NXN: variants seen among roughly 807,000 people sequenced by gnomAD.
The protein encoded by NXN is nucleoredoxin.
Under a neutral mutation model 48.6 loss-of-function variants are expected in NXN, and 16 were observed. The observed-to-expected ratio is 0.33, with a 90% CI of 0.22 to 0.50. The LOEUF (loss-of-function observed/expected upper bound fraction) is 0.50. NXN is among the 20% of genes least tolerant of loss of function. NXN has a pLI of 0.98. For missense variants in NXN, 492 were observed against 605.5 expected, an observed-to-expected ratio of 0.81 and a Z score of 1.97; for synonymous variants, 281 against 269.6, an observed-to-expected ratio of 1.04 and a Z score of -0.41.
intron 1 of NXN, among the ~76,000 whole-genome samples, chr17:927,780 G>A (rs956855092): frequency 2.6e-5 from 4 of 151,970 alleles, no homozygotes; most frequent in Admixed American, 6.6e-5. Context: ...CAAAAGGGAC[G>A]GGCTTAGAGG....
intron 1 of NXN, among the ~76,000 whole-genome samples, chr17:848,628 C>T (rs1338793773): frequency 6.6e-6 from 1 of 152,216 alleles, no homozygotes; most frequent in South Asian, 2.1e-4. Flanking sequence ...AGTCAGTATT[C>T]GTGCATGTCA....
At chr17:946,262 G>A (rs532298841) in intron 1 of NXN, among the ~76,000 whole-genome samples, 46 of 136,214 alleles carry the variant, frequency 3.4e-4, no homozygotes, top group African/African-American at 4.5e-4. Flanking sequence ...TCCGCCTCCC[G>A]GGTTCAAGCG....
intron 1 of NXN, among the ~76,000 whole-genome samples, chr17:975,119 C>T (rs879450965): frequency 2.0e-5 from 3 of 152,146 alleles, no homozygotes; most frequent in African/African-American, 4.8e-5. Context: ...CCATCACACC[C>T]GGCCTGCTCC....
In NXN at chr17:866,201, A is replaced by T. The variant is rs369995745; in HGVS notation, c.361-40123T>A. On this transcript the variant is annotated intron_variant, in intron 1 of 7. Transcript: ENST00000336868. ...GGCAAGATATTAGATTTTTTTTTTT[A>T]AATCAGACGTTTCTTTTGTAAATAG... is the stretch of plus-strand genomic sequence containing the variant. Among the ~76,000 whole-genome samples the T allele has an allele frequency of 5.0e-3, 762 of 151,834 alleles. 7 individuals carry two copies. The highest frequency in any genetic ancestry group is 0.018 in the African/African-American group (733 of 41,466).
rs34186616 is a variant in NXN, at chr17:919,215, C to T, written c.360+60104G>A. 0.21 allele frequency among the ~76,000 whole-genome samples: 31,238 copies of T among 150,036 alleles called. 3,976 individuals are homozygous for T. The highest frequency in any genetic ancestry group is 0.47 in the East Asian group (2,392 of 5,122). ...CCGTCTCTACTACAAATACAAAAAT[C>T]AGCCGGGCGTCATGGCGGGCACCTG... On this transcript the variant is annotated intron_variant, in intron 1 of 7. Transcript: ENST00000336868. The surrounding 1 kb of genome is among the most constrained non-coding windows in gnomAD (Gnocchi z 5.1).
chr17:925,214 C>T (rs1046605055), intron 1 of NXN, among the ~76,000 whole-genome samples: 1 of 152,174 alleles, frequency 6.6e-6, no homozygotes, highest in Admixed American at 6.5e-5. Flanking sequence ...TGAGGCCTCC[C>T]GCCTCCCGGA....
At chr17:890,724 C>T (rs754628730) in intron 1 of NXN, among the ~76,000 whole-genome samples, 4 of 152,040 alleles carry the variant, frequency 2.6e-5, no homozygotes, top group Non-Finnish European at 5.9e-5. Flanking sequence ...TTTCTGGTTA[C>T]ATCTGGGGTT....
rs1031737583 is a variant in NXN at position 945,955 on chromosome 17, G to A, written c.360+33364C>T. Among the ~76,000 whole-genome samples, 4 of 152,156 alleles carry A rather than the reference G, an allele frequency of 2.6e-5. No individual in the cohort carries two copies. The East Asian group carries it at 7.7e-4, about 29-fold the overall frequency. On this transcript the variant is annotated intron_variant, in intron 1 of 7. Coordinates refer to ENST00000336868, the MANE Select transcript of NXN (RefSeq NM_022463.5). ...AACTGGGAATGTCCTTGGGGTCCTGGGGCCTTGGCTGTTCTCACCCTTTCG... is the reference window on the plus strand; with the variant it reads ...AACTGGGAATGTCCTTGGGGTCCTGAGGCCTTGGCTGTTCTCACCCTTTCG...
intron 1 of NXN, among the ~76,000 whole-genome samples, chr17:909,098 C>CAAAAAAAAAAAAAA (rs59822805): frequency 1.7e-5 from 2 of 117,330 alleles, no homozygotes; most frequent in East Asian, 2.6e-4. Context: ...GACTTCGTCT[C>CAAAAAAAAAAAAAA]AAAAAAAAAA....
At position 974,323 on chromosome 17, in the gene NXN, C is replaced by G. The variant is rs370538078; in HGVS notation, c.360+4996G>C. Among the ~76,000 whole-genome samples, 52 of 151,900 alleles carry G rather than the reference C, an allele frequency of 3.4e-4. No individual in the cohort carries two copies. The East Asian group carries it at 8.8e-3, about 26-fold the overall frequency. On this transcript the variant is annotated intron_variant, in intron 1 of 7. Transcript: ENST00000336868. ...CCGAGATCGCACCACTGCACTCCAGCCTGGGTGACAGAGCGAGACTCCATC... is the reference window on the plus strand; with the variant it reads ...CCGAGATCGCACCACTGCACTCCAGGCTGGGTGACAGAGCGAGACTCCATC...
chr17:896,897 G>A, intron 1 of NXN: 2 of 1,240,548 alleles, frequency 1.6e-6, no homozygotes, highest in Non-Finnish European at 2.1e-6. Flanking sequence ...CTATTTCTCA[G>A]TTCCTGCATA....
At chr17:811,363 G>A (rs1469318143) in intron 5 of NXN, among the ~76,000 whole-genome samples, 1 of 152,228 alleles carries the variant, frequency 6.6e-6, no homozygotes, top group Non-Finnish European at 1.5e-5. Flanking sequence ...AAAGAGTGCC[G>A]TGCTCCCTGG....
At chr17:807,639 C>T (rs1446301006) in intron 5 of NXN, among the ~76,000 whole-genome samples, 4 of 152,204 alleles carry the variant, frequency 2.6e-5, no homozygotes, top group East Asian at 1.9e-4. Flanking sequence ...CCTCCTAAGA[C>T]GAGGTGTGCC....
chr17:868,601 C>T (rs2068118188), intron 1 of NXN, among the ~76,000 whole-genome samples: 1 of 152,152 alleles, frequency 6.6e-6, no homozygotes, highest in African/African-American at 2.4e-5. Context: ...ACGCCATTCT[C>T]CTCCCTCAGC....
intron 1 of NXN, among the ~76,000 whole-genome samples, chr17:880,728 T>C (rs2068275023): frequency 6.6e-6 from 1 of 152,156 alleles, no homozygotes; most frequent in African/African-American, 2.4e-5. Flanking sequence ...GCTGGCCTTC[T>C]CCTAAGGGGG....
rs1913030422 is a variant in NXN at position 825,174 on chromosome 17, T to C, written c.478+787A>G. Among the ~76,000 whole-genome samples, 1 of 146,340 alleles carries C rather than the reference T, an allele frequency of 6.8e-6. No individual in the cohort carries two copies. Among genetic ancestry groups the C allele is most frequent in the Non-Finnish European group, 1.5e-5 (1 of 67,368 alleles). Reference sequence around the variant, plus strand: ...TCGAGGCTGCAGTGAACCGGGATCATGCCACAGCACTCGGCCTGGGCGACA... The same window carrying C: ...TCGAGGCTGCAGTGAACCGGGATCACGCCACAGCACTCGGCCTGGGCGACA... On this transcript the variant is annotated intron_variant, in intron 2 of 7. Coordinates refer to ENST00000336868, the MANE Select transcript of NXN (RefSeq NM_022463.5). This position sits in a 1 kb window ranked among gnomAD's most constrained non-coding sequence, Gnocchi z 4.1.
At chr17:927,580 C>CAAAAAA (rs71371593) in intron 1 of NXN, among the ~76,000 whole-genome samples, 1 of 117,620 alleles carries the variant, frequency 8.5e-6, no homozygotes, top group Non-Finnish European at 1.7e-5. Context: ...AACCTTGTCT[C>CAAAAAA]AAAAAAAAAA....
rs541669680 is a variant in NXN at position 803,552 on chromosome 17, G to C, written c.1125+130C>G. 6.2e-6 allele frequency: 7 copies of C among 1,137,584 alleles called. No individual in the cohort carries two copies. In the Admixed American group the frequency reaches 1.1e-4, roughly 18 times the overall value. 70.5% of individuals were successfully genotyped at this position (1,137,584 alleles called of 1,614,324 possible). A position where few individuals can be genotyped will look rare whatever the true frequency, so the allele number is the denominator to read the frequency against. On this transcript the variant is annotated intron_variant, in intron 7 of 7. Transcript: ENST00000336868. ...CTACCTTTCCTTGCCACATTTGTCT[G>C]TGGGCTCTCTCAGAAGCACAGGCAG...
chr17:924,902 G>A (rs894211853), intron 1 of NXN, among the ~76,000 whole-genome samples: 21 of 151,970 alleles, frequency 1.4e-4, no homozygotes, highest in African/African-American at 5.1e-4. Context: ...GGAAGTACAG[G>A]TACACAGAGC....
Sources: allele counts gnomAD v4.1 joint callset (sites outside exome capture counted in the v4.1 genomes callset), GRCh38; gene constraint gnomAD v4.1.1; non-coding constraint Gnocchi (gnomAD v3.1); transcripts MANE v1.5; gene names NCBI Gene and HGNC (gene_info 2026-07-23, HGNC 2026-07-21).